The following RIMS2 variants were observed in gnomAD, a reference collection of about 807,000 sequenced individuals.
The protein encoded by RIMS2 is regulating synaptic membrane exocytosis 2, also known as regulating synaptic membrane exocytosis protein 2.
In RIMS2, 59 loss-of-function variants were observed where a neutral mutation model predicts 174.4. That is an observed-to-expected ratio of 0.34 (90% CI 0.27 to 0.42). The LOEUF (loss-of-function observed/expected upper bound fraction) is 0.42, where lower values mean the gene tolerates loss of function less well. Among genes scored for constraint, RIMS2 ranks in the 10% least tolerant of loss-of-function variants. RIMS2 has a pLI of 1.00. For synonymous variants in RIMS2, 606 were observed against 572.5 expected, an observed-to-expected ratio of 1.06 and a Z score of -0.84; for missense variants, 1,620 against 1,666.3, an observed-to-expected ratio of 0.97 and a Z score of 0.48.
intron 6 of RIMS2, 52 bp from the exon 10 acceptor site, chr8:103,915,443 C>T: frequency 9.2e-7 from 1 of 1,082,912 alleles, no homozygotes; most frequent in East Asian, 2.4e-5. Flanking sequence ...GAATCTTCAA[C>T]CATGCTCATT....
chr8:103,975,705 T>A (rs1415428803), intron 16 of RIMS2, 199 bp downstream of exon 18: 4 of 421,506 alleles, frequency 9.5e-6, no homozygotes, highest in Non-Finnish European at 4.2e-6. Context: ...TTAGTCCAAG[T>A]GTGAGTCCAT....
chr8:103,908,894 A>T (rs2154526670), intron 4 of RIMS2, among the ~76,000 whole-genome samples: 1 of 152,312 alleles, frequency 6.6e-6, no homozygotes, highest in East Asian at 1.9e-4. Context: ...AAAATCTTTA[A>T]TATGAAATAG....
intron 1 of RIMS2, among the ~76,000 whole-genome samples, chr8:103,550,605 CAG>C (rs1338095123): frequency 1.3e-5 from 2 of 151,904 alleles, no homozygotes; most frequent in East Asian, 1.9e-4. Flanking sequence ...TAACTAAGAT[CAG>C]AGCAGAACTG....
At chr8:103,599,403 T>C (rs148850162) in intron 1 of RIMS2, among the ~76,000 whole-genome samples, 151 of 147,738 alleles carry the variant, frequency 1.0e-3, no homozygotes, top group African/African-American at 3.2e-3. Flanking sequence ...ATATATAATG[T>C]ATATTTTAAT....
chr8:104,169,268 G>C (rs1432874914), intron 19 of RIMS2, among the ~76,000 whole-genome samples: 4 of 146,996 alleles, frequency 2.7e-5, no homozygotes, highest in African/African-American at 1.0e-4. Context: ...GAATTCAGCT[G>C]TGACTCCATC....
At chr8:103,920,716 G>A (rs544389984) in intron 9 of RIMS2, 21 of 456,980 alleles carry the variant, frequency 4.6e-5, no homozygotes, top group African/African-American at 3.6e-4. Context: ...CTGGCCTAGC[G>A]TGGTGGCTCA....
chr8:104,071,736 G>C (rs563102422), intron 19 of RIMS2, among the ~76,000 whole-genome samples: 1 of 152,008 alleles, frequency 6.6e-6, no homozygotes. Context: ...ACGCCCGGCC[G>C]GGTCCCTGTG....
intron 1 of RIMS2, among the ~76,000 whole-genome samples, chr8:103,509,553 A>G (rs1307004003): frequency 2.6e-5 from 4 of 152,096 alleles, no homozygotes; most frequent in Admixed American, 2.6e-4. Context: ...GACATGTGGA[A>G]GTTGGTGAAG....
chr8:103,979,916 A>G (rs574999846), intron 16 of RIMS2, among the ~76,000 whole-genome samples: 1 of 152,280 alleles, frequency 6.6e-6, no homozygotes, highest in East Asian at 1.9e-4. Flanking sequence ...GAGAGGAATC[A>G]CCCATTCCAT....
chr8:103,675,080 T>A (rs1590113241), intron 1 of RIMS2, among the ~76,000 whole-genome samples: 1 of 152,258 alleles, frequency 6.6e-6, no homozygotes, highest in South Asian at 2.1e-4. Context: ...CCGGCTAATT[T>A]TTTGTATTTT....
intron 3 of RIMS2, among the ~76,000 whole-genome samples, chr8:103,884,604 A>G (rs1467141893): frequency 1.3e-5 from 2 of 151,880 alleles, no homozygotes; most frequent in Admixed American, 6.6e-5. Context: ...TAATATCACC[A>G]AGCTGTTCTT....
At chr8:103,936,551 T>A (rs372179479) in exon 13 of RIMS2, 5 of 1,542,240 alleles carry the variant, frequency 3.2e-6, no homozygotes, top group African/African-American at 1.4e-5. Context: ...TTTTCCATAG[T>A]GATAAAAACA....
At chr8:103,881,730 ATACT>A (rs1385913952) in intron 3 of RIMS2, among the ~76,000 whole-genome samples, 5 of 151,594 alleles carry the variant, frequency 3.3e-5, no homozygotes, top group African/African-American at 7.3e-5. Context: ...AATAGAAATG[ATACT>A]TACTACAGTA....
At position 104,043,929 on chromosome 8, in the gene RIMS2, A is replaced by G. The variant is rs566057002; in HGVS notation, c.3334+29314A>G. Among the ~76,000 whole-genome samples, 3 of 151,774 alleles carry G rather than the reference A, an allele frequency of 2.0e-5. No individual in the cohort carries two copies. The East Asian group carries it at 5.8e-4, about 29-fold the overall frequency. On this transcript the variant is annotated intron_variant, in intron 19 of 23. Coordinates refer to ENST00000504942, the Ensembl canonical transcript of RIMS2. ...GGTAGCAACAAGGAAGAATAATGCT[A>G]TGAACATAAAAGGCATAGACTTCAC...
At chr8:103,774,143 A>G (rs1175261658) in intron 3 of RIMS2, among the ~76,000 whole-genome samples, 2 of 152,236 alleles carry the variant, frequency 1.3e-5, no homozygotes, top group African/African-American at 2.4e-5. Context: ...CGCTGTCTCA[A>G]TAAATAAATA....
intron 19 of RIMS2, among the ~76,000 whole-genome samples, chr8:104,148,286 T>G (rs2098660167): frequency 6.6e-6 from 1 of 151,754 alleles, no homozygotes; most frequent in African/African-American, 2.4e-5. Context: ...TATGGCTACC[T>G]TTAGGTGCTG....
intron 1 of RIMS2, among the ~76,000 whole-genome samples, chr8:103,594,379 C>T (rs566153555): frequency 3.3e-5 from 5 of 151,652 alleles, no homozygotes; most frequent in Non-Finnish European, 7.4e-5. Flanking sequence ...TTCATTCAGG[C>T]ATGAATCATA....
chr8:104,210,612 G>T (rs1243735995), intron 19 of RIMS2, among the ~76,000 whole-genome samples: 1 of 152,082 alleles, frequency 6.6e-6, no homozygotes, highest in African/African-American at 2.4e-5. Context: ...GGACCCTTTT[G>T]GGAGTGCCAT....
intron 1 of RIMS2, among the ~76,000 whole-genome samples, chr8:103,632,843 C>T (rs2095971630): frequency 7.0e-6 from 1 of 143,678 alleles, no homozygotes; most frequent in Admixed American, 7.3e-5. Context: ...ACGCCATTCT[C>T]CTGCCTCAGC....
Sources: allele counts gnomAD v4.1 joint callset (sites outside exome capture counted in the v4.1 genomes callset), GRCh38; gene constraint gnomAD v4.1.1; transcripts MANE v1.5; gene names NCBI Gene and HGNC (gene_info 2026-07-23, HGNC 2026-07-21).